Variants in TMPRSS4 observed in about 807,000 individuals in gnomAD.
The protein encoded by TMPRSS4 is transmembrane protease serine 4.
TMPRSS4 carries 45 observed loss-of-function variants against 56.4 expected under a neutral mutation model. The ratio of observed to expected loss-of-function variants is 0.80; its 90% CI spans 0.63 to 1.02. The LOEUF (loss-of-function observed/expected upper bound fraction) is 1.02, where lower values mean the gene tolerates loss of function less well. TMPRSS4 is among the 50% of genes least tolerant of loss of function. The probability of loss-of-function intolerance (pLI) is 0.00; values close to 1 mark genes in which losing one functional copy is unlikely to be tolerated. For synonymous variants in TMPRSS4, 205 were observed against 211.0 expected (o/e 0.97, Z 0.25); for missense variants, 546 against 556.7 (o/e 0.98, Z 0.19).
At chr11:118,092,604 G>A (rs1197616199) in intron 1 of TMPRSS4, among the ~76,000 whole-genome samples, 1 of 152,228 alleles carries the variant, frequency 6.6e-6, no homozygotes, top group Admixed American at 6.5e-5. Context: ...ACCTCCAGCT[G>A]CATGACTCCT....
rs1201266522 is a variant in TMPRSS4 at position 118,115,151 on chromosome 11, C to G, written c.1023C>G (p.Asp341Glu). 2.5e-6 allele frequency: 4 copies of G among 1,611,224 alleles called. No homozygotes were observed. The highest frequency in any genetic ancestry group is 3.4e-6 in the Non-Finnish European group (4 of 1,179,130). The change falls in exon 11 of 13, where the codon GAC (aspartate) becomes GAG (glutamate). Residue 341 changes from aspartate to glutamate, a missense_variant. Coordinates refer to ENST00000437212, the MANE Select transcript of TMPRSS4 (RefSeq NM_019894.4). Reference sequence around the variant, plus strand: ...TTACCCTCCCAGGGAAGATGTCTGACATACTGCTGCAGGCGTCAGTCCAGG... The same window carrying G: ...TTACCCTCCCAGGGAAGATGTCTGAGATACTGCTGCAGGCGTCAGTCCAGG... ...FTKQNGGKMS[D>E]ILLQASVQVI...
At position 118,077,236 on chromosome 11, in the gene TMPRSS4, C is replaced by T; in HGVS notation, c.-67C>T. 6.4e-7 allele frequency: 1 copy of T among 1,570,112 alleles called. No individual in the cohort carries two copies. The highest frequency in any genetic ancestry group is 2.4e-5 in the East Asian group (1 of 42,382). On this transcript the variant is annotated 5_prime_UTR_variant, in exon 1 of 13. Coordinates refer to ENST00000437212, the MANE Select transcript of TMPRSS4 (RefSeq NM_019894.4). ...GCCAGGACCTGTGTGGGGAGGCCCTCCTGCTGCCTTGGGGTGACAATCTCA... is the reference window on the plus strand; with the variant it reads ...GCCAGGACCTGTGTGGGGAGGCCCTTCTGCTGCCTTGGGGTGACAATCTCA...
chr11:118,088,699 G>C (rs548203765), intron 1 of TMPRSS4, among the ~76,000 whole-genome samples: 1 of 152,244 alleles, frequency 6.6e-6, no homozygotes, highest in East Asian at 1.9e-4. Context: ...AAAGGGAAAG[G>C]CCAATGCCTT....
intron 2 of TMPRSS4, chr11:118,095,416 A>G (rs1946231140): frequency 6.3e-6 from 1 of 158,696 alleles, no homozygotes; most frequent in Non-Finnish European, 1.4e-5. Context: ...AGCAAGGAAC[A>G]CGTTAATATG....
intron 4 of TMPRSS4, 140 bp downstream of exon 4, chr11:118,103,393 TTG>T: frequency 5.6e-5 from 65 of 1,158,994 alleles, no homozygotes; most frequent in South Asian, 1.0e-4. Context: ...TGTTTGTTTG[TTG>T]TTGTTTTGAG....
chr11:118,100,178 C>T (rs12270970), intron 3 of TMPRSS4, among the ~76,000 whole-genome samples: 7,485 of 152,176 alleles, frequency 0.049, 615 homozygotes, highest in African/African-American at 0.17. Flanking sequence ...CTTCCTCCCT[C>T]AGAGCGATAT....
chr11:118,090,452 C>G (rs1213571735), intron 1 of TMPRSS4, among the ~76,000 whole-genome samples: 1 of 151,664 alleles, frequency 6.6e-6, no homozygotes, highest in African/African-American at 2.4e-5. Flanking sequence ...GAATTTTTTT[C>G]CACAACTACT....
intron 1 of TMPRSS4, among the ~76,000 whole-genome samples, chr11:118,085,226 CTTT>C (rs67063759): frequency 5.6e-5 from 8 of 141,844 alleles, no homozygotes; most frequent in Non-Finnish European, 7.6e-5. Flanking sequence ...TCTTCTTCTT[CTTT>C]TTTTTTTTTT....
At chr11:118,082,465 G>A (rs192058682) in intron 1 of TMPRSS4, among the ~76,000 whole-genome samples, 3 of 152,212 alleles carry the variant, frequency 2.0e-5, no homozygotes, top group Non-Finnish European at 2.9e-5. Flanking sequence ...GGAAGCTGAG[G>A]CATGAGAATC....
At chr11:118,091,302 C>T (rs1250008334) in intron 1 of TMPRSS4, among the ~76,000 whole-genome samples, 1 of 152,184 alleles carries the variant, frequency 6.6e-6, no homozygotes, top group Non-Finnish European at 1.5e-5. Context: ...TCCAACCCCC[C>T]AAGCTTGTTC....
chr11:118,105,622 G>T (rs935087443), intron 5 of TMPRSS4: 3 of 152,102 alleles, frequency 2.0e-5, no homozygotes, highest in Non-Finnish European at 4.4e-5. Context: ...CATCTCTAAG[G>T]GAAGGGGCTA....
At position 118,115,128 on chromosome 11, in the gene TMPRSS4, A is replaced by G. The variant is rs369290927; in HGVS notation, c.1010-10A>G. ...CAAGGATGGGAATGTGAGTGTTTTTACCCTCCCAGGGAAGATGTCTGACAT... is the reference window on the plus strand; with the variant it reads ...CAAGGATGGGAATGTGAGTGTTTTTGCCCTCCCAGGGAAGATGTCTGACAT... On this transcript the variant is annotated splice_polypyrimidine_tract_variant and intron_variant, in intron 10 of 12. Coordinates refer to ENST00000437212, the MANE Select transcript of TMPRSS4 (RefSeq NM_019894.4). 22 of 1,606,990 alleles carry G rather than the reference A, an allele frequency of 1.4e-5. No individual in the cohort carries two copies. In the African/African-American group the frequency reaches 2.0e-4, roughly 15 times the overall value.
At position 118,111,859 on chromosome 11, in the gene TMPRSS4, C is replaced by A; in HGVS notation, c.702C>A (p.Ile234=). The change falls in exon 8 of 13, where the codon ATC becomes ATA. Residue 234 remains isoleucine, a synonymous_variant. Coordinates refer to ENST00000437212, the MANE Select transcript of TMPRSS4 (RefSeq NM_019894.4). ...YDKQHVCGGS[I]LDPHWVLTAA... The stretch of plus-strand genomic sequence containing the variant: ...AACAGCACGTCTGTGGAGGGAGCAT[C>A]CTGGACCCCCACTGGGTCCTCACGG... 1 of 1,609,846 alleles carries A rather than the reference C, an allele frequency of 6.2e-7. No homozygotes were observed. Among genetic ancestry groups the A allele is most frequent in the South Asian group, 1.1e-5 (1 of 90,164 alleles).
intron 3 of TMPRSS4, among the ~76,000 whole-genome samples, chr11:118,100,845 A>G (rs1002774372): frequency 2.6e-5 from 4 of 152,190 alleles, no homozygotes; most frequent in African/African-American, 7.2e-5. Flanking sequence ...AGAAGGTCCT[A>G]TGTGGCTTCC....
chr11:118,109,064 G>A (rs375291608), intron 7 of TMPRSS4, among the ~76,000 whole-genome samples, 168 bp downstream of exon 7: 22 of 152,200 alleles, frequency 1.4e-4, no homozygotes, highest in African/African-American at 5.3e-4. Flanking sequence ...GTGGCCTTGG[G>A]CAGGTCACAT....
At chr11:118,114,974 AG>A (rs1312648038) in intron 10 of TMPRSS4, 47 bp downstream of exon 10, 2 of 1,562,162 alleles carry the variant, frequency 1.3e-6, no homozygotes, top group Admixed American at 1.9e-5. Flanking sequence ...CCCTTGTATG[AG>A]GGAGCAGCTT....
chr11:118,079,684 C>T (rs780598155), intron 1 of TMPRSS4, among the ~76,000 whole-genome samples: 12 of 152,198 alleles, frequency 7.9e-5, no homozygotes, highest in Non-Finnish European at 1.5e-4. Context: ...GTCCTCCCTC[C>T]CACCTCCTGT....
chr11:118,107,698 G>C, intron 5 of TMPRSS4, 76 bp from the exon 6 acceptor site: 2 of 1,273,100 alleles, frequency 1.6e-6, no homozygotes, highest in South Asian at 2.6e-5. Context: ...TCTCCTGAAA[G>C]TGGGGGCCAA....
At position 118,118,853 on chromosome 11, in the gene TMPRSS4, C is replaced by G; in HGVS notation, c.*940C>G. The stretch of plus-strand genomic sequence containing the variant: ...TAACTTTTTCCGCCTGGAGAGCCCT[C>G]AGTGTGGCTTCTTACATTTAAAAAA... On this transcript the variant is annotated 3_prime_UTR_variant, in exon 13 of 13. Transcript: ENST00000437212. The G allele has an allele frequency of 1.0e-6, 1 of 985,408 alleles. No homozygotes were observed. Among genetic ancestry groups the G allele is most frequent in the Non-Finnish European group, 1.2e-6 (1 of 829,934 alleles). 61.0% of individuals were successfully genotyped at this position (985,408 alleles called of 1,614,324 possible). A position where few individuals can be genotyped will look rare whatever the true frequency, so the allele number is the denominator to read the frequency against.
Sources: gnomAD v4.1 joint callset for allele counts (sites outside exome capture counted in the v4.1 genomes callset) on GRCh38, gnomAD v4.1.1 for gene constraint, MANE v1.5 for transcripts, NCBI Gene and HGNC (gene_info 2026-07-23, HGNC 2026-07-21) for gene names.